Variants in RILPL2 observed in about 807,000 individuals in gnomAD.
RILPL2 encodes RILP-like protein 2.
Under a neutral mutation model 22.2 loss-of-function variants are expected in RILPL2, and 19 were observed. That is an observed-to-expected ratio of 0.86 (90% CI 0.60 to 1.25). The LOEUF is 1.25. RILPL2 is among the 50% of genes most tolerant of loss of function. RILPL2 has a pLI of 0.00. For missense variants in RILPL2, 243 were observed against 263.6 expected, an observed-to-expected ratio of 0.92 and a Z score of 0.54; for synonymous variants, 123 against 111.6, an observed-to-expected ratio of 1.10 and a Z score of -0.64.
At chr12:123,422,031 C>A (rs1879298381) in intron 3 of RILPL2, among the ~76,000 whole-genome samples, 1 of 135,636 alleles carries the variant, frequency 7.4e-6, no homozygotes, top group Non-Finnish European at 1.6e-5. Context: ...GAGATAGGGT[C>A]ACGCTCTGTT....
Position 123,429,857 on chromosome 12 carries a change from G to A in RILPL2, c.491+651C>T, listed in dbSNP as rs182011127. ...TGGCCAGGTGTGGTGGCTCACACCT[G>A]TAATCCCAGCACTTTGGGGAGGCTG... On this transcript the variant is annotated intron_variant, in intron 2 of 3. Coordinates refer to ENST00000280571, the MANE Select transcript of RILPL2 (RefSeq NM_145058.3). Among the ~76,000 whole-genome samples the A allele has an allele frequency of 4.3e-3, 649 of 151,760 alleles. 4 individuals carry two copies. Among genetic ancestry groups the A allele is most frequent in the African/African-American group, 0.015 (628 of 41,420 alleles).
At position 123,415,550 on chromosome 12, in the gene RILPL2, T is replaced by G; in HGVS notation, c.*341A>C. 1 of 315,462 alleles carries G rather than the reference T, an allele frequency of 3.2e-6. No homozygotes were observed. The highest frequency in any genetic ancestry group is 5.5e-5 in the East Asian group (1 of 18,278). 19.5% of individuals were successfully genotyped at this position (315,462 alleles called of 1,614,324 possible). A position where few individuals can be genotyped will look rare whatever the true frequency, so the allele number is the denominator to read the frequency against. On this transcript the variant is annotated 3_prime_UTR_variant, in exon 4 of 4. Coordinates refer to ENST00000280571, the MANE Select transcript of RILPL2 (RefSeq NM_145058.3). ...TTCTGCTAACCATTGAAGACCAGGG[T>G]CATCCGTGGGAGCAGATGAGTAGGA...
the RILPL2 span, chr12:123,409,363 T>C: frequency 0.57 from 84,500 of 149,136 alleles, 27,173 homozygotes; most frequent in Non-Finnish European, 0.72. Flanking sequence ...AGGCCACGTG[T>C]GTGTCTTTCT....
chr12:123,432,250 A>G (rs2139252956), intron 1 of RILPL2, among the ~76,000 whole-genome samples: 1 of 152,304 alleles, frequency 6.6e-6, no homozygotes, highest in African/African-American at 2.4e-5. Context: ...TCACGCCTGT[A>G]ACCCCAGAAC....
At chr12:123,435,753 G>A (rs766416535) in intron 1 of RILPL2, among the ~76,000 whole-genome samples, 1 of 152,062 alleles carries the variant, frequency 6.6e-6, no homozygotes, top group African/African-American at 2.4e-5. Flanking sequence ...GAAAAAAAAA[G>A]TGTTTCTTGC....
downstream of RILPL2, chr12:123,413,223 C>T (rs1055767961): frequency 1.2e-5 from 2 of 166,618 alleles, no homozygotes; most frequent in East Asian, 1.9e-4. Flanking sequence ...AAGCCGGGTG[C>T]GGTGGCTCAC....
intron 2 of RILPL2, among the ~76,000 whole-genome samples, chr12:123,425,793 G>C (rs368967560): frequency 2.6e-5 from 4 of 151,846 alleles, no homozygotes; most frequent in Non-Finnish European, 4.4e-5. Context: ...GGGATTACAG[G>C]TGCACGCCAC....
At chr12:123,430,393 A>T in intron 2 of RILPL2, 115 bp downstream of exon 2, 1 of 1,075,158 alleles carries the variant, frequency 9.3e-7, no homozygotes, top group Non-Finnish European at 1.3e-6. Context: ...TGGGCGACAG[A>T]GCGAGACTCT....
intron 3 of RILPL2, among the ~76,000 whole-genome samples, chr12:123,418,968 C>T (rs1301359059): frequency 6.6e-6 from 1 of 150,620 alleles, no homozygotes; most frequent in Non-Finnish European, 1.5e-5. Context: ...CTGCCCGCCT[C>T]AGCCTCCAAA....
chr12:123,430,579 A>C lies in RILPL2; in HGVS notation c.420T>G (p.Asp140Glu). The change falls in exon 2 of 4, where the codon GAT becomes GAG. Residue 140 changes from aspartate (D) to glutamate (E), a missense_variant. Transcript: ENST00000280571. ...TGAGTTTGTTGCGTTCCTGCAGCAC[A>C]TCCCTTAGCTCCTGCAGAGTGAAGC... ...RPRFTLQELRDVLQERNKLKS... is the reference protein window; with the variant it reads ...RPRFTLQELREVLQERNKLKS... The C allele has an allele frequency of 6.2e-7, 1 of 1,613,036 alleles. No individual in the cohort carries two copies. Among genetic ancestry groups the C allele is most frequent in the Non-Finnish European group, 8.5e-7 (1 of 1,179,358 alleles).
intron 2 of RILPL2, among the ~76,000 whole-genome samples, chr12:123,425,921 G>C (rs1879431795): frequency 1.3e-5 from 2 of 151,900 alleles, no homozygotes; most frequent in Non-Finnish European, 2.9e-5. Context: ...CAAAGTGCTG[G>C]GATTACAGGC....
At chr12:123,412,351 G>C (rs1878997577), downstream of RILPL2, 1 of 152,216 alleles carries the variant, frequency 6.6e-6, no homozygotes, top group African/African-American at 2.4e-5. Flanking sequence ...ATGTTGCCTA[G>C]GCTGGTCTCG....
At chr12:123,430,736 G>A (rs1382655959) in intron 1 of RILPL2, 77 bp from the exon 2 acceptor site, 1 of 1,077,680 alleles carries the variant, frequency 9.3e-7, no homozygotes, top group Non-Finnish European at 1.2e-6. Context: ...TTTTTAGAAG[G>A]AGTCTCTGTT....
intron 2 of RILPL2, among the ~76,000 whole-genome samples, chr12:123,430,099 CAAAAAAAAAAAAA>C (rs59871132): frequency 2.1e-4 from 4 of 18,788 alleles, no homozygotes; most frequent in East Asian, 6.5e-3. Context: ...GTGAGACCCT[CAAAAAAAAAAAAA>C]AAAAAAAAAA....
chr12:123,412,308 A>G (rs1878996286), downstream of RILPL2: 1 of 152,066 alleles, frequency 6.6e-6, no homozygotes, highest in Non-Finnish European at 1.5e-5. Context: ...TGCCTGGCTA[A>G]TTTTTTGTTT....
intron 2 of RILPL2, among the ~76,000 whole-genome samples, chr12:123,430,061 A>C (rs1879574137): frequency 7.5e-6 from 1 of 132,996 alleles, no homozygotes; most frequent in South Asian, 2.7e-4. Context: ...GGTTGCAGTG[A>C]GCCAAGATCG....
chr12:123,433,567 C>T (rs1879711205), intron 1 of RILPL2, among the ~76,000 whole-genome samples: 1 of 152,138 alleles, frequency 6.6e-6, no homozygotes, highest in Non-Finnish European at 1.5e-5. Flanking sequence ...CGTGTGCCAG[C>T]AGGTCCAGCT....
chr12:123,420,567 G>A (rs1879254389), intron 3 of RILPL2, among the ~76,000 whole-genome samples: 1 of 151,896 alleles, frequency 6.6e-6, no homozygotes, highest in Admixed American at 6.6e-5. Context: ...CTCCCGAGTA[G>A]CTGGGATTAC....
At chr12:123,418,335 GT>G (rs1879176455) in intron 3 of RILPL2, among the ~76,000 whole-genome samples, 1 of 151,992 alleles carries the variant, frequency 6.6e-6, no homozygotes, top group African/African-American at 2.4e-5. Context: ...CGATTTTCTT[GT>G]GTTTTTTTTC....
Sources: allele counts gnomAD v4.1 joint callset (sites outside exome capture counted in the v4.1 genomes callset), GRCh38; gene constraint gnomAD v4.1.1; transcripts MANE v1.5; gene names NCBI Gene and HGNC (gene_info 2026-07-23, HGNC 2026-07-21).